Variants in EIF4G2 observed in about 807,000 individuals in gnomAD.
EIF4G2 encodes the protein DAP-5.
EIF4G2 carries 8 observed loss-of-function variants against 117.7 expected under a neutral mutation model. That is an observed-to-expected ratio of 0.07 (90% CI 0.04 to 0.12). EIF4G2 has a LOEUF of 0.12. Ranked by LOEUF, EIF4G2 falls within the 10% of genes least tolerant of loss-of-function variation. The probability of loss-of-function intolerance (pLI) is 1.00; values close to 1 mark genes in which losing one functional copy is unlikely to be tolerated. For missense variants in EIF4G2, 812 were observed against 1,086.2 expected (o/e 0.75, Z 3.55); for synonymous variants, 413 against 367.8 (o/e 1.12, Z -1.41).
Position 10,803,580 on chromosome 11 carries a change from T to C in EIF4G2, c.713A>G (p.Lys238Arg). The change falls in exon 9 of 22, where the codon AAG (lysine) becomes AGG (arginine). Residue 238 changes from lysine (K) to arginine (R), a missense_variant. By Grantham distance (26) the Lys-to-Arg change is conservative. Around this residue, in one of 4 missense-constraint regions of EIF4G2, gnomAD observed 154 missense variants for 322.1 expected, o/e 0.48. Coordinates refer to ENST00000339995, the MANE Select transcript of EIF4G2 (RefSeq NM_001418.4). The surrounding 1 kb of genome is among the most constrained non-coding windows in gnomAD (Gnocchi z 4.0). The stretch of plus-strand genomic sequence containing the variant: ...ATCTTTGAGTTGGACTCTCTTCTTC[T>C]TTTCCAAAAGCTACAAGAATAAAAG... 6.2e-7 allele frequency: 1 copy of C among 1,613,634 alleles called. No individual in the cohort carries two copies. The highest frequency in any genetic ancestry group is 8.5e-7 in the Non-Finnish European group (1 of 1,179,866).
In EIF4G2 at chr11:10,808,269, C is replaced by T. The variant is rs141123773; in HGVS notation, c.-87+436G>A. On this transcript the variant is annotated intron_variant, in intron 1 of 21. Transcript: ENST00000339995. ...GGGCAGCCCCTGCCGACTCCAGGTCCTACACACCTCCCCGCCGGGAGGCCA... is the reference window on the plus strand; with the variant it reads ...GGGCAGCCCCTGCCGACTCCAGGTCTTACACACCTCCCCGCCGGGAGGCCA... 1.3e-3 allele frequency: 1,541 copies of T among 1,214,538 alleles called. 2 individuals are homozygous for T. Among genetic ancestry groups the T allele is most frequent in the Non-Finnish European group, 1.5e-3 (1,474 of 957,350 alleles). The allele number at this position is 1,214,538 out of a possible 1,614,324, so 75.2% of individuals were successfully genotyped here. A position where few individuals can be genotyped will look rare whatever the true frequency, so the allele number is the denominator to read the frequency against.
At chr11:10,804,876 C>G (rs367634504) in intron 5 of EIF4G2, 37 bp downstream of exon 5, 2 of 1,539,236 alleles carry the variant, frequency 1.3e-6, no homozygotes, top group South Asian at 1.1e-5. Context: ...AAACAGTTCC[C>G]TCTCCCTTTT....
intron 11 of EIF4G2, 132 bp from the exon 12 acceptor site, chr11:10,802,567 T>G: frequency 7.9e-7 from 1 of 1,266,144 alleles, no homozygotes; most frequent in Non-Finnish European, 1.1e-6. Context: ...AATAACTTCT[T>G]CCAAAAATGG....
At chr11:10,797,048 ACTACAT>A (rs1847283610) in exon 22 of EIF4G2, 1 of 152,636 alleles carries the variant, frequency 6.6e-6, no homozygotes, top group African/African-American at 2.4e-5. The surrounding 1 kb of genome is among the most constrained non-coding windows in gnomAD (Gnocchi z 4.5). Context: ...GCCACACATC[ACTACAT>A]CAAGTATCAC....
chr11:10,805,409 C>G (rs1474842742), intron 4 of EIF4G2, among the ~76,000 whole-genome samples: 1 of 152,052 alleles, frequency 6.6e-6, no homozygotes, highest in African/African-American at 2.4e-5. Context: ...TGGCTGAAAG[C>G]AACGGGAAGC....
In EIF4G2 at chr11:10,800,869, AAG is replaced by A. The variant is rs143284391; in HGVS notation, c.1540-36_1540-35del. 3.1e-4 allele frequency: 497 copies of A among 1,612,222 alleles called. 1 individual carries two copies. In the African/African-American group the frequency reaches 5.6e-3, roughly 18 times the overall value. On this transcript the variant is annotated intron_variant, in intron 15 of 21. Coordinates refer to ENST00000339995, the MANE Select transcript of EIF4G2 (RefSeq NM_001418.4). ...CAAGCAATGACAGACTTTTTTTAAA[AAG>A]AGGACTATGAAATTAGGGGGAAGAA... is the stretch of plus-strand genomic sequence containing the variant.
In EIF4G2 at chr11:10,797,787, T is replaced by G. The variant is rs1847299831; in HGVS notation, c.*29A>C. ...AGTTACATCATAGCAACAGTATGTT[T>G]TGCACAATTTAAGGCTTTGGCTGGT... On this transcript the variant is annotated 3_prime_UTR_variant, in exon 22 of 22. Transcript: ENST00000339995. The surrounding 1 kb of genome is among the most constrained non-coding windows in gnomAD (Gnocchi z 4.5). 2.5e-6 allele frequency: 4 copies of G among 1,612,200 alleles called. No homozygotes were observed. The highest frequency in any genetic ancestry group is 1.1e-5 in the South Asian group (1 of 90,916).
chr11:10,808,540 A>C, intron 1 of EIF4G2, 165 bp downstream of exon 1: 2 of 1,157,066 alleles, frequency 1.7e-6, no homozygotes, highest in Non-Finnish European at 2.2e-6. Flanking sequence ...GAGAGAACAA[A>C]AGCCAAGACT....
At chr11:10,808,397 C>T in intron 1 of EIF4G2, 1 of 1,251,992 alleles carries the variant, frequency 8.0e-7, no homozygotes, top group Non-Finnish European at 1.0e-6. Flanking sequence ...GAGCCACGCT[C>T]CCTCGCCGTC....
In EIF4G2 at chr11:10,803,889, TCA is replaced by T; in HGVS notation, c.702+8_702+9del. On this transcript the variant is annotated splice_region_variant and intron_variant, in intron 8 of 21. Coordinates refer to ENST00000339995, the MANE Select transcript of EIF4G2 (RefSeq NM_001418.4). This position sits in a 1 kb window ranked among gnomAD's most constrained non-coding sequence, Gnocchi z 4.0. ...TGACTACATTCGCCTAACTTCCCTGTCACACTTACTGTTTTGATGCACTTATG... is the reference window on the plus strand; with the variant it reads ...TGACTACATTCGCCTAACTTCCCTGTCACTTACTGTTTTGATGCACTTATG... 6.2e-7 allele frequency: 1 copy of T among 1,605,482 alleles called. No individual in the cohort carries two copies. The highest frequency in any genetic ancestry group is 8.5e-7 in the Non-Finnish European group (1 of 1,174,060).
At position 10,797,610 on chromosome 11, in the gene EIF4G2, T is replaced by TA; in HGVS notation, c.*205dup. ...TAATATACTATCTAAACATTAAAGA[T>TA]ACTCCTAAAATATTTGATGGTAGAC... On this transcript the variant is annotated 3_prime_UTR_variant, in exon 22 of 22. Coordinates refer to ENST00000339995, the MANE Select transcript of EIF4G2 (RefSeq NM_001418.4). The surrounding 1 kb of genome is among the most constrained non-coding windows in gnomAD (Gnocchi z 4.5). The TA allele has an allele frequency of 3.5e-6, 2 of 578,706 alleles. No individual in the cohort carries two copies. The highest frequency in any genetic ancestry group is 6.1e-6 in the Non-Finnish European group (2 of 326,248). 35.8% of individuals were successfully genotyped at this position (578,706 alleles called of 1,614,324 possible).
chr11:10,807,918 G>A lies in EIF4G2; in HGVS notation c.-86-537C>T, dbSNP rs891162069. ...AGACCAGGGCCACAACATGGCAGCAGGAACCTCCGCCCCGTTTTTCCCTTC... is the reference window on the plus strand; with the variant it reads ...AGACCAGGGCCACAACATGGCAGCAAGAACCTCCGCCCCGTTTTTCCCTTC... On this transcript the variant is annotated intron_variant, in intron 1 of 21. Coordinates refer to ENST00000339995, the MANE Select transcript of EIF4G2 (RefSeq NM_001418.4). The A allele has an allele frequency of 1.2e-5, 12 of 1,014,362 alleles. No individual in the cohort carries two copies. In the African/African-American group the frequency reaches 1.6e-4, roughly 13 times the overall value. The allele number at this position is 1,014,362 out of a possible 1,614,324, so 62.8% of individuals were successfully genotyped here.
chr11:10,804,791 T>C (rs975397882), intron 5 of EIF4G2, 122 bp downstream of exon 5: 8 of 762,226 alleles, frequency 1.0e-5, no homozygotes, highest in Non-Finnish European at 1.7e-5. Flanking sequence ...TATTCAAAAA[T>C]ACATACCTAT....
At chr11:10,808,408 C>A in intron 1 of EIF4G2, 1 of 1,254,162 alleles carries the variant, frequency 8.0e-7, no homozygotes, top group Non-Finnish European at 1.0e-6. Flanking sequence ...CCTCGCCGTC[C>A]GAGCACAGCC....
In EIF4G2 at chr11:10,806,066, C is replaced by A. The variant is rs567100132; in HGVS notation, c.108-19G>T. The A allele has an allele frequency of 6.2e-7, 1 of 1,613,816 alleles. No homozygotes were observed. The highest frequency in any genetic ancestry group is 1.7e-5 in the Admixed American group (1 of 59,918). ...GAACTCGCTGATTAATAAAAATCAG[C>A]AAAAACACTTATTGTCACACACCAA... is the stretch of plus-strand genomic sequence containing the variant. On this transcript the variant is annotated intron_variant, in intron 3 of 21. Coordinates refer to ENST00000339995, the MANE Select transcript of EIF4G2 (RefSeq NM_001418.4).
Position 10,800,109 on chromosome 11 carries a change from A to T in EIF4G2, c.2100T>A (p.Asn700Lys). ...TCTTACCTGGGAGCATTTTCTGCATATTGACCTTGCTTTGTTGAAAAAGTT... is the reference window on the plus strand; with the variant it reads ...TCTTACCTGGGAGCATTTTCTGCATTTTGACCTTGCTTTGTTGAAAAAGTT... The change falls in exon 18 of 22, where the codon AAT becomes AAA. Residue 700 changes from asparagine to lysine, a missense_variant. By Grantham distance (94) the Asn-to-Lys change is moderately conservative. Coordinates refer to ENST00000339995, the MANE Select transcript of EIF4G2 (RefSeq NM_001418.4). 10 of 1,613,734 alleles carry T rather than the reference A, an allele frequency of 6.2e-6. No homozygotes were observed. Among genetic ancestry groups the T allele is most frequent in the Non-Finnish European group, 7.6e-6 (9 of 1,179,888 alleles).
chr11:10,805,800 A>C, intron 4 of EIF4G2, 107 bp downstream of exon 4: 2 of 1,509,944 alleles, frequency 1.3e-6, no homozygotes, highest in Non-Finnish European at 1.8e-6. Flanking sequence ...TCATTAAAAC[A>C]TACATACTCT....
At chr11:10,808,165 A>C (rs2135424101) in intron 1 of EIF4G2, 1 of 1,110,890 alleles carries the variant, frequency 9.0e-7, no homozygotes, top group African/African-American at 1.7e-5. Flanking sequence ...TCCCCCCGGG[A>C]CTGACAACCG....
In EIF4G2 at chr11:10,800,112, G is replaced by C; in HGVS notation, c.2097C>G (p.Val699=). The C allele has an allele frequency of 1.9e-6, 3 of 1,613,672 alleles. No homozygotes were observed. The highest frequency in any genetic ancestry group is 2.5e-6 in the Non-Finnish European group (3 of 1,179,888). The change falls in exon 18 of 22, where the codon GTC becomes GTG. Residue 699 remains valine, a synonymous_variant. Coordinates refer to ENST00000339995, the MANE Select transcript of EIF4G2 (RefSeq NM_001418.4). Reference sequence around the variant, plus strand: ...TACCTGGGAGCATTTTCTGCATATTGACCTTGCTTTGTTGAAAAAGTTCTG... The same window carrying C: ...TACCTGGGAGCATTTTCTGCATATTCACCTTGCTTTGTTGAAAAAGTTCTG...
Sources: gnomAD v4.1 joint callset for allele counts (sites outside exome capture counted in the v4.1 genomes callset) on GRCh38, gnomAD v4.1.1 for gene constraint, gnomAD v4.1.1 regional missense constraint, Gnocchi (gnomAD v3.1) non-coding constraint, MANE v1.5 for transcripts, NCBI Gene and HGNC (gene_info 2026-07-23, HGNC 2026-07-21) for gene names.